ZNF407: variants seen among roughly 807,000 people sequenced by gnomAD.
The protein encoded by ZNF407 is zinc finger protein 407.
Under a neutral mutation model 131.2 loss-of-function variants are expected in ZNF407, and 17 were observed. The observed-to-expected ratio is 0.13, with a 90% CI of 0.09 to 0.19. ZNF407 has a LOEUF of 0.19. Ranked by LOEUF, ZNF407 falls within the 10% of genes least tolerant of loss-of-function variation. ZNF407 has a pLI of 1.00. For synonymous variants in ZNF407, 1,156 were observed against 1,062.0 expected (o/e 1.09, Z -1.72); for missense variants, 2,681 against 2,830.6 (o/e 0.95, Z 1.20).
Position 75,065,220 on chromosome 18 carries a change from A to G in ZNF407, c.*752A>G, listed in dbSNP as rs1421553037. 3.3e-5 allele frequency: 5 copies of G among 152,446 alleles called. No homozygotes were observed. In the East Asian group the frequency reaches 5.8e-4, roughly 18 times the overall value. The allele number at this position is 152,446 out of a possible 1,614,324, so 9.4% of individuals were successfully genotyped here. On this transcript the variant is annotated 3_prime_UTR_variant, in exon 9 of 9. Coordinates refer to ENST00000299687, the MANE Select transcript of ZNF407 (RefSeq NM_017757.3). The stretch of plus-strand genomic sequence containing the variant: ...GTCGGTGGAGATAGCCAGTGCTTCT[A>G]ATTTTGACTTAGTTTCATACAGTAA...
chr18:74,794,092 C>CT (rs1278647641), intron 4 of ZNF407, among the ~76,000 whole-genome samples: 1 of 152,204 alleles, frequency 6.6e-6, no homozygotes, highest in Non-Finnish European at 1.5e-5. Flanking sequence ...TCCGAAGCCT[C>CT]TGGTGTTTGG....
rs1333386521 is a variant in ZNF407, at chr18:74,772,328, A to C, written c.4803-9100A>C. Among the ~76,000 whole-genome samples the C allele has an allele frequency of 4.6e-5, 7 of 152,312 alleles. No individual in the cohort carries two copies. In the East Asian group the frequency reaches 9.6e-4, roughly 21 times the overall value. ...TTACAGATTTTACTTATAGAAAAAC[A>C]ACCCTATAAATCATCTAAATCTAAA... On this transcript the variant is annotated intron_variant, in intron 3 of 8. Transcript: ENST00000299687.
At chr18:74,734,000 G>A (rs918983240) in intron 3 of ZNF407, among the ~76,000 whole-genome samples, 1 of 151,040 alleles carries the variant, frequency 6.6e-6, no homozygotes, top group African/African-American at 2.4e-5. Context: ...TTCTCTTTTT[G>A]CTCATCTTGT....
chr18:74,621,025 A>G (rs1983487616), intron 1 of ZNF407, among the ~76,000 whole-genome samples: 1 of 152,184 alleles, frequency 6.6e-6, no homozygotes, highest in Non-Finnish European at 1.5e-5. Context: ...ATCCAAAATG[A>G]GCGGATTTTT....
chr18:75,043,929 T>C (rs2122245514), intron 8 of ZNF407, among the ~76,000 whole-genome samples: 1 of 152,354 alleles, frequency 6.6e-6, no homozygotes, highest in African/African-American at 2.4e-5. Context: ...TCTAAATTGC[T>C]AAACTGCTCC....
rs1275958096 is a variant in ZNF407 at position 74,634,476 on chromosome 18, G to A, written c.3457G>A (p.Glu1153Lys). 2 of 1,613,748 alleles carry A rather than the reference G, an allele frequency of 1.2e-6. No individual in the cohort carries two copies. Among genetic ancestry groups the A allele is most frequent in the East Asian group, 2.2e-5 (1 of 44,886 alleles). ...CAADSVEVETEEESNFNEDHS... is the reference protein window; with the variant it reads ...CAADSVEVETKEESNFNEDHS... ...TGCTGACTCTGTAGAAGTTGAGACT[G>A]AAGAAGAATCTAATTTCAATGAAGA... The change falls in exon 2 of 9, where the codon GAA becomes AAA. Residue 1153 changes from glutamate (E) to lysine (K), a missense_variant. This residue lies in a region of ZNF407 where 1,789 missense variants were observed against 1,748.7 expected (regional missense o/e 1.02). Transcript: ENST00000299687.
chr18:74,759,316 G>GT (rs1969038087), intron 3 of ZNF407, among the ~76,000 whole-genome samples: 1 of 152,040 alleles, frequency 6.6e-6, no homozygotes, highest in African/African-American at 2.4e-5. Flanking sequence ...GTGGTATTCT[G>GT]TGGACATGTT....
intron 8 of ZNF407, among the ~76,000 whole-genome samples, chr18:74,979,436 C>T (rs1403507112): frequency 6.6e-6 from 1 of 152,132 alleles, no homozygotes; most frequent in African/African-American, 2.4e-5. Flanking sequence ...GGATTACAGG[C>T]ATGCACCACC....
chr18:74,883,510 G>A (rs531246210), intron 6 of ZNF407, among the ~76,000 whole-genome samples: 12 of 152,228 alleles, frequency 7.9e-5, no homozygotes, highest in Middle Eastern at 3.4e-3. Flanking sequence ...ATTCCTCACC[G>A]CAATACAGAC....
At chr18:75,055,449 G>T (rs562608074) in intron 8 of ZNF407, among the ~76,000 whole-genome samples, 2 of 152,172 alleles carry the variant, frequency 1.3e-5, no homozygotes, top group Non-Finnish European at 2.9e-5. Flanking sequence ...CTTAAAGCAC[G>T]CATTCTCATC....
intron 3 of ZNF407, among the ~76,000 whole-genome samples, chr18:74,773,662 G>C (rs1465078204): frequency 6.6e-6 from 1 of 152,200 alleles, no homozygotes; most frequent in African/African-American, 2.4e-5. Context: ...AATGTATTTT[G>C]TACCACCAGA....
In ZNF407 at chr18:74,687,460, A is replaced by C. The variant is rs140975640; in HGVS notation, c.4802+46338A>C. Among the ~76,000 whole-genome samples, 1,203 of 152,296 alleles carry C rather than the reference A, an allele frequency of 7.9e-3. 16 individuals carry two copies. The highest frequency in any genetic ancestry group is 0.027 in the African/African-American group (1,141 of 41,562). On this transcript the variant is annotated intron_variant, in intron 3 of 8. Coordinates refer to ENST00000299687, the MANE Select transcript of ZNF407 (RefSeq NM_017757.3). ...GCTGGGAAGCGCAGGTGGCGGATGG[A>C]TGGCTGCAGGCAGAGTGGCGGGAAA...
chr18:74,739,214 G>A (rs1451094990), intron 3 of ZNF407, among the ~76,000 whole-genome samples: 2 of 151,220 alleles, frequency 1.3e-5, no homozygotes, highest in Admixed American at 1.3e-4. Flanking sequence ...ATATATAGAT[G>A]TGTATTTGAA....
At chr18:74,727,713 T>C (rs905055169) in intron 3 of ZNF407, among the ~76,000 whole-genome samples, 1 of 152,206 alleles carries the variant, frequency 6.6e-6, no homozygotes, top group Non-Finnish European at 1.5e-5. Flanking sequence ...TATATGCAGA[T>C]AGCAAGTCGC....
intron 8 of ZNF407, among the ~76,000 whole-genome samples, chr18:74,960,801 G>GGA (rs1972333238): frequency 7.7e-6 from 1 of 130,324 alleles, no homozygotes. Context: ...CTGAGTGAGT[G>GGA]CTTGGTGGAG....
chr18:74,798,555 A>G (rs916900849), intron 4 of ZNF407, among the ~76,000 whole-genome samples: 1 of 152,210 alleles, frequency 6.6e-6, no homozygotes, highest in Non-Finnish European at 1.5e-5. Context: ...GAATCTTAAA[A>G]TTATAAAACT....
chr18:74,980,255 CTT>C (rs5826360), intron 8 of ZNF407, among the ~76,000 whole-genome samples: 14,132 of 138,686 alleles, frequency 0.1, 896 homozygotes, highest in Admixed American at 0.24. Context: ...CTTCCCCATG[CTT>C]TTTTTTTTTT....
At chr18:74,755,525 A>G (rs1968909679) in intron 3 of ZNF407, among the ~76,000 whole-genome samples, 1 of 111,634 alleles carries the variant, frequency 9.0e-6, no homozygotes, top group Non-Finnish European at 1.8e-5. Context: ...TCATTGATGT[A>G]TCTTTCCCTC....
At chr18:74,999,763 T>G (rs1424980586) in intron 8 of ZNF407, among the ~76,000 whole-genome samples, 1 of 152,204 alleles carries the variant, frequency 6.6e-6, no homozygotes, top group Non-Finnish European at 1.5e-5. Flanking sequence ...ATTGAAGAAA[T>G]TGGCCTGATC....
Sources: allele counts gnomAD v4.1 joint callset (sites outside exome capture counted in the v4.1 genomes callset), GRCh38; gene constraint gnomAD v4.1.1; regional missense constraint gnomAD v4.1.1; transcripts MANE v1.5; gene names NCBI Gene and HGNC (gene_info 2026-07-23, HGNC 2026-07-21).